Variants in EGFLAM observed in about 807,000 individuals in gnomAD.
EGFLAM encodes the protein pikachurin.
EGFLAM carries 79 observed loss-of-function variants against 113.1 expected under a neutral mutation model. The observed-to-expected ratio is 0.70, with a 90% CI of 0.58 to 0.84. The LOEUF (loss-of-function observed/expected upper bound fraction) is 0.84, where lower values mean the gene tolerates loss of function less well. EGFLAM is among the 40% of genes least tolerant of loss of function. The pLI, the probability that EGFLAM is intolerant of heterozygous loss-of-function variation, is 0.00. For missense variants in EGFLAM, 1,265 were observed against 1,291.6 expected, an observed-to-expected ratio of 0.98 and a Z score of 0.32; for synonymous variants, 504 against 487.6, an observed-to-expected ratio of 1.03 and a Z score of -0.44.
At chr5:38,313,351 C>T (rs1393523906) in intron 1 of EGFLAM, among the ~76,000 whole-genome samples, 1 of 152,176 alleles carries the variant, frequency 6.6e-6, no homozygotes, top group Non-Finnish European at 1.5e-5. Context: ...TCTTGGCAAG[C>T]ATCATTTCAG....
chr5:38,315,190 G>C (rs952688050), intron 1 of EGFLAM, among the ~76,000 whole-genome samples: 1 of 152,030 alleles, frequency 6.6e-6, no homozygotes, highest in African/African-American at 2.4e-5. Flanking sequence ...AGGTGACTTT[G>C]CATATCTCAA....
At chr5:38,311,623 G>A (rs532299789) in intron 1 of EGFLAM, among the ~76,000 whole-genome samples, 3 of 151,652 alleles carry the variant, frequency 2.0e-5, no homozygotes, top group South Asian at 2.1e-4. Context: ...CATTTTTTTC[G>A]TTTCTTCTGT....
rs564682264 is a variant in EGFLAM at position 38,270,268 on chromosome 5, A to G, written c.97+11417A>G. Among the ~76,000 whole-genome samples, 12 of 151,654 alleles carry G rather than the reference A, an allele frequency of 7.9e-5. No individual in the cohort carries two copies. In the East Asian group the frequency reaches 2.3e-3, roughly 29 times the overall value. On this transcript the variant is annotated intron_variant, in intron 1 of 21. Coordinates refer to ENST00000322350, the MANE Select transcript of EGFLAM (RefSeq NM_152403.4). ...TCTTTTCAGATGTCTTCTATGGAAA[A>G]CCCTTTTGGGATCTCAAGGACCACC...
At chr5:38,270,223 G>T (rs931837865) in intron 1 of EGFLAM, among the ~76,000 whole-genome samples, 1 of 152,230 alleles carries the variant, frequency 6.6e-6, no homozygotes, top group African/African-American at 2.4e-5. Flanking sequence ...AGCTGTTGCA[G>T]CTGGAGGATA....
At chr5:38,344,989 G>C (rs1384040067) in intron 3 of EGFLAM, among the ~76,000 whole-genome samples, 1 of 152,222 alleles carries the variant, frequency 6.6e-6, no homozygotes, top group East Asian at 1.9e-4. Context: ...GGAGAGAATG[G>C]ATACTGAGAG....
intron 12 of EGFLAM, 103 bp downstream of exon 12, chr5:38,418,358 A>G: frequency 7.2e-7 from 1 of 1,390,316 alleles, no homozygotes; most frequent in Non-Finnish European, 9.7e-7. Context: ...ATTAGGTGCT[A>G]CCCTGGGAAG....
intron 1 of EGFLAM, among the ~76,000 whole-genome samples, chr5:38,299,912 T>G (rs1012955852): frequency 1.4e-4 from 22 of 152,196 alleles, no homozygotes; most frequent in African/African-American, 5.3e-4. Context: ...TGGGATGCCT[T>G]AATGAACAAA....
intron 1 of EGFLAM, among the ~76,000 whole-genome samples, chr5:38,285,537 C>G (rs1383968458): frequency 1.3e-5 from 2 of 152,122 alleles, no homozygotes; most frequent in African/African-American, 2.4e-5. Context: ...GCCCAAGCTA[C>G]CTTCAGGGTC....
chr5:38,346,558 C>T (rs994125619), intron 3 of EGFLAM: 2 of 152,134 alleles, frequency 1.3e-5, no homozygotes, highest in African/African-American at 4.8e-5. Context: ...GTTCATGAAA[C>T]AGAGGAAACA....
chr5:38,464,887 T>G lies in EGFLAM; in HGVS notation c.*901T>G, dbSNP rs890017431. 6.6e-6 allele frequency: 1 copy of G among 152,134 alleles called. No individual in the cohort carries two copies. Among genetic ancestry groups the G allele is most frequent in the Non-Finnish European group, 1.5e-5 (1 of 68,042 alleles). The allele number at this position is 152,134 out of a possible 1,614,324, so 9.4% of individuals were successfully genotyped here. ...GGTAAATGTTGACGGCTCAAGAGGA[T>G]GAATATGAAGCTTTCCAAGATAAGC... On this transcript the variant is annotated 3_prime_UTR_variant, in exon 22 of 22. Transcript: ENST00000322350.
intron 8 of EGFLAM, 48 bp from the exon 9 acceptor site, chr5:38,407,757 A>T: frequency 6.9e-7 from 1 of 1,446,500 alleles, no homozygotes. Flanking sequence ...TTGCTTTTGA[A>T]GAAGTGAGGA....
At position 38,427,016 on chromosome 5, in the gene EGFLAM, C is replaced by T. The variant is rs376946964; in HGVS notation, c.1818C>T (p.Thr606=). The change falls in exon 14 of 22, where the codon ACC becomes ACT. Residue 606 remains threonine, a synonymous_variant. Transcript: ENST00000322350. The stretch of plus-strand genomic sequence containing the variant: ...CCATGCTTGTTTTTTCAGCTTTCAC[C>T]TTGACCATTCCTCAGTTCAGAGAGT... The part of the protein sequence containing the change: ...FKGRHCEDAF[T]LTIPQFRESL... The T allele has an allele frequency of 6.2e-7, 1 of 1,613,898 alleles. No homozygotes were observed. The highest frequency in any genetic ancestry group is 1.3e-5 in the African/African-American group (1 of 75,050).
chr5:38,399,240 C>T (rs1554011452), intron 6 of EGFLAM, among the ~76,000 whole-genome samples: 3 of 151,240 alleles, frequency 2.0e-5, no homozygotes, highest in Non-Finnish European at 2.9e-5. Context: ...AATCGAATTC[C>T]TCCTCCCTCC....
chr5:38,324,489 T>C (rs1333011107), intron 1 of EGFLAM, among the ~76,000 whole-genome samples: 1 of 152,150 alleles, frequency 6.6e-6, no homozygotes, highest in Non-Finnish European at 1.5e-5. Flanking sequence ...TCAAGGACAC[T>C]TCAAACAAAT....
At chr5:38,399,492 G>A (rs1024450029) in intron 6 of EGFLAM, among the ~76,000 whole-genome samples, 1 of 151,956 alleles carries the variant, frequency 6.6e-6, no homozygotes, top group African/African-American at 2.4e-5. Flanking sequence ...TGTGCAAGCT[G>A]GTCTCAAATT....
At chr5:38,383,985 T>C (rs908204727) in intron 6 of EGFLAM, among the ~76,000 whole-genome samples, 1 of 152,046 alleles carries the variant, frequency 6.6e-6, no homozygotes, top group African/African-American at 2.4e-5. Context: ...TCAAATCTTA[T>C]AGGTCCTGAT....
intron 12 of EGFLAM, 46 bp from the exon 13 acceptor site, chr5:38,424,921 T>G: frequency 6.2e-7 from 1 of 1,606,110 alleles, no homozygotes; most frequent in Non-Finnish European, 8.5e-7. Flanking sequence ...TGTGTTGGAC[T>G]GGCACACATG....
chr5:38,348,484 T>C (rs1048695495), intron 3 of EGFLAM, among the ~76,000 whole-genome samples: 10 of 152,030 alleles, frequency 6.6e-5, no homozygotes, highest in Admixed American at 6.6e-4. Flanking sequence ...AGCCAAGAGA[T>C]TGAAGAAGCA....
intron 6 of EGFLAM, among the ~76,000 whole-genome samples, chr5:38,398,927 G>T (rs3110994): frequency 0.28 from 40,081 of 144,516 alleles, 6,163 homozygotes; most frequent in African/African-American, 0.51. Context: ...CACTTTTTTT[G>T]GCCCACTTTT....
Sources: allele counts gnomAD v4.1 joint callset (sites outside exome capture counted in the v4.1 genomes callset), GRCh38; gene constraint gnomAD v4.1.1; transcripts MANE v1.5; gene names NCBI Gene and HGNC (gene_info 2026-07-23, HGNC 2026-07-21).